DGLUCY: variants seen among roughly 807,000 people sequenced by gnomAD.
DGLUCY encodes D-glutamate cyclase.
In DGLUCY, 58 loss-of-function variants were observed where a neutral mutation model predicts 58.5. The observed-to-expected ratio is 0.99, with a 90% CI of 0.80 to 1.23. The LOEUF (loss-of-function observed/expected upper bound fraction) is 1.23, where lower values mean the gene tolerates loss of function less well. Among genes scored for constraint, DGLUCY ranks in the 50% most tolerant of loss-of-function variants. DGLUCY has a pLI of 0.00. For synonymous variants in DGLUCY, 325 were observed against 314.1 expected (o/e 1.03, Z -0.37); for missense variants, 779 against 784.7 (o/e 0.99, Z 0.09).
At chr14:91,194,502 G>T (rs138645610) in intron 9 of DGLUCY, among the ~76,000 whole-genome samples, 8 of 151,896 alleles carry the variant, frequency 5.3e-5, no homozygotes, top group African/African-American at 1.9e-4. Context: ...TGTGGGCTGA[G>T]GTTAGGGAGG....
At chr14:91,132,940 T>C (rs551695107) in intron 1 of DGLUCY, among the ~76,000 whole-genome samples, 4 of 152,180 alleles carry the variant, frequency 2.6e-5, no homozygotes, top group Admixed American at 6.5e-5. Context: ...CTAGTTTCTT[T>C]TACTTATAAT....
chr14:91,123,862 G>A (rs912299335), intron 1 of DGLUCY, among the ~76,000 whole-genome samples: 7 of 151,808 alleles, frequency 4.6e-5, no homozygotes, highest in Non-Finnish European at 7.4e-5. Flanking sequence ...ACACGCATGA[G>A]CCACTGCATC....
chr14:91,203,561 G>A (rs1053758838), intron 11 of DGLUCY, among the ~76,000 whole-genome samples: 10 of 152,176 alleles, frequency 6.6e-5, no homozygotes, highest in South Asian at 2.1e-4. Flanking sequence ...GGATTCAGCT[G>A]AACATCTAGT....
chr14:91,164,445 T>A (rs2048164515), intron 3 of DGLUCY, among the ~76,000 whole-genome samples: 1 of 152,220 alleles, frequency 6.6e-6, no homozygotes, highest in African/African-American at 2.4e-5. Context: ...TATTGTAGTC[T>A]TTGCTATCTG....
chr14:91,074,346 G>A (rs1466561812), intron 1 of DGLUCY, among the ~76,000 whole-genome samples: 1 of 148,476 alleles, frequency 6.7e-6, no homozygotes, highest in East Asian at 2.0e-4. Context: ...GAGTGTGATG[G>A]CATGTACCTA....
Position 91,170,031 on chromosome 14 carries a change from G to A in DGLUCY, c.286G>A (p.Glu96Lys), listed in dbSNP as rs758862191. The change falls in exon 5 of 14, where the codon GAG becomes AAG. Residue 96 changes from glutamate (E) to lysine (K), a missense_variant. Physicochemically the swap from Glu to Lys is moderately conservative, Grantham distance 56. Coordinates refer to ENST00000256324, the MANE Select transcript of DGLUCY (RefSeq NM_001102368.3). ...RMGHPQFWKY[E>K]FGACTGSLAS... The stretch of plus-strand genomic sequence containing the variant: ...GGGCCATCCCCAGTTCTGGAAATAC[G>A]AGTTCGGTGCCTGCACCGGCAGCCT... 7.3e-5 allele frequency: 118 copies of A among 1,612,116 alleles called. No individual in the cohort carries two copies. Among genetic ancestry groups the A allele is most frequent in the South Asian group, 2.9e-4 (26 of 90,990 alleles).
chr14:91,162,204 A>G (rs542586592), intron 3 of DGLUCY, among the ~76,000 whole-genome samples: 30 of 152,276 alleles, frequency 2.0e-4, no homozygotes, highest in African/African-American at 7.0e-4. Context: ...ATTTTACCAA[A>G]CAGCTGGGAA....
chr14:91,122,602 G>GT (rs60627604), intron 1 of DGLUCY, among the ~76,000 whole-genome samples: 3,262 of 104,606 alleles, frequency 0.031, 210 homozygotes, highest in South Asian at 0.056. Context: ...AAAGAAAAAA[G>GT]TTTTTTTTTT....
At chr14:91,141,073 TGTAA>T (rs1056697178) in intron 1 of DGLUCY, among the ~76,000 whole-genome samples, 1 of 151,842 alleles carries the variant, frequency 6.6e-6, no homozygotes, top group Non-Finnish European at 1.5e-5. Flanking sequence ...CTTTCTTGAG[TGTAA>T]GTGTTATAGA....
At chr14:91,060,630 C>T (rs992372576) in exon 1 of DGLUCY, 1 of 683,284 alleles carries the variant, frequency 1.5e-6, no homozygotes, top group Non-Finnish European at 2.0e-6. Flanking sequence ...CGGCGGGCAC[C>T]GCTAGTACCG....
intron 1 of DGLUCY, among the ~76,000 whole-genome samples, chr14:91,099,054 A>T (rs1420440133): frequency 6.6e-6 from 1 of 152,190 alleles, no homozygotes; most frequent in Non-Finnish European, 1.5e-5. Flanking sequence ...TGCATTTGGG[A>T]TACAGTGTAA....
intron 1 of DGLUCY, among the ~76,000 whole-genome samples, chr14:91,081,553 TG>T (rs1223478051): frequency 6.6e-6 from 1 of 152,138 alleles, no homozygotes; most frequent in African/African-American, 2.4e-5. Flanking sequence ...AAGTCCAAAA[TG>T]GGTCTTATGG....
chr14:91,093,439 A>G (rs530631652), intron 1 of DGLUCY, among the ~76,000 whole-genome samples: 2 of 152,218 alleles, frequency 1.3e-5, no homozygotes, highest in South Asian at 2.1e-4. Context: ...TTATCTAGCT[A>G]TAAAAAGGAA....
chr14:91,121,377 G>A (rs774535851), intron 1 of DGLUCY, among the ~76,000 whole-genome samples: 1 of 152,090 alleles, frequency 6.6e-6, no homozygotes, highest in Non-Finnish European at 1.5e-5. Context: ...GGGGATGTCT[G>A]TAACTCTTTC....
At chr14:91,211,859 G>A (rs1049855527) in intron 12 of DGLUCY, among the ~76,000 whole-genome samples, 6 of 152,308 alleles carry the variant, frequency 3.9e-5, no homozygotes, top group Admixed American at 1.3e-4. Flanking sequence ...GGAGTGCAGT[G>A]GCATGAACTC....
intron 1 of DGLUCY, among the ~76,000 whole-genome samples, chr14:91,141,474 C>T (rs562076937): frequency 1.7e-4 from 26 of 151,586 alleles, no homozygotes; most frequent in African/African-American, 5.8e-4. Flanking sequence ...ATCCTTAGAA[C>T]GATCACATGA....
intron 1 of DGLUCY, among the ~76,000 whole-genome samples, chr14:91,066,113 C>G (rs1306244037): frequency 6.6e-6 from 1 of 152,196 alleles, no homozygotes; most frequent in Non-Finnish European, 1.5e-5. Context: ...CGTGGTGGCT[C>G]ACGCCTGTAA....
Position 91,173,452 on chromosome 14 carries a change from C to G in DGLUCY, c.607+13C>G, listed in dbSNP as rs1244020719. 1 of 1,582,278 alleles carries G rather than the reference C, an allele frequency of 6.3e-7. No individual in the cohort carries two copies. The highest frequency in any genetic ancestry group is 1.4e-5 in the African/African-American group (1 of 73,210). ...ATGGGCGACCCAGGTCAGTGTCTCT[C>G]GCTCCTGCCCATGATCTTCCTGTTC... On this transcript the variant is annotated intron_variant, in intron 6 of 13. Coordinates refer to ENST00000256324, the MANE Select transcript of DGLUCY (RefSeq NM_001102368.3).
rs149919484 is a variant in DGLUCY at position 91,157,851 on chromosome 14, A to T, written c.-30+161A>T. On this transcript the variant is annotated intron_variant, in intron 2 of 13. Coordinates refer to ENST00000256324, the MANE Select transcript of DGLUCY (RefSeq NM_001102368.3). ...CTAGAAATCAACTTACATTTACATTAAAACAGTACATAAATAAAGGAAAGA... is the reference window on the plus strand; with the variant it reads ...CTAGAAATCAACTTACATTTACATTTAAACAGTACATAAATAAAGGAAAGA... Among the ~76,000 whole-genome samples the T allele has an allele frequency of 2.0e-4, 31 of 152,294 alleles. No homozygotes were observed. In the East Asian group the frequency reaches 5.4e-3, roughly 27 times the overall value.
Sources: gnomAD v4.1 joint callset for allele counts (sites outside exome capture counted in the v4.1 genomes callset) on GRCh38, gnomAD v4.1.1 for gene constraint, MANE v1.5 for transcripts, NCBI Gene and HGNC (gene_info 2026-07-23, HGNC 2026-07-21) for gene names.